Variants in CCDC172 observed in about 807,000 individuals in gnomAD.
The protein encoded by CCDC172 is coiled-coil domain containing 172, also known as coiled-coil domain-containing protein 172.
In CCDC172, 30 loss-of-function variants were observed where a neutral mutation model predicts 38.0. The observed-to-expected ratio is 0.79, with a 90% CI of 0.59 to 1.07. The LOEUF is 1.07. Ranked by LOEUF, CCDC172 falls within the 50% of genes least tolerant of loss-of-function variation. The probability of loss-of-function intolerance (pLI) is 0.00; values close to 1 mark genes in which losing one functional copy is unlikely to be tolerated. For missense variants in CCDC172, 297 were observed against 290.1 expected, an observed-to-expected ratio of 1.02 and a Z score of -0.17; for synonymous variants, 78 against 88.3, an observed-to-expected ratio of 0.88 and a Z score of 0.66.
intron 7 of CCDC172, among the ~76,000 whole-genome samples, chr10:116,360,710 C>T (rs879728475): frequency 2.0e-5 from 3 of 152,096 alleles, no homozygotes; most frequent in Non-Finnish European, 4.4e-5. Context: ...TTCCCTGTCT[C>T]TTTGGAACAT....
chr10:116,340,596 T>G (rs989687022), intron 3 of CCDC172, 138 bp from the exon 4 acceptor site: 7 of 546,866 alleles, frequency 1.3e-5, no homozygotes, highest in Non-Finnish European at 2.3e-5. Flanking sequence ...AATAAGATGT[T>G]TGATGCTAAT....
intron 7 of CCDC172, among the ~76,000 whole-genome samples, chr10:116,358,444 A>G (rs1845027187): frequency 6.6e-6 from 1 of 152,158 alleles, no homozygotes; most frequent in Non-Finnish European, 1.5e-5. Flanking sequence ...ATAGTCATAA[A>G]CACAAGGAGT....
intron 5 of CCDC172, among the ~76,000 whole-genome samples, chr10:116,356,129 G>A (rs189209354): frequency 2.6e-5 from 4 of 152,072 alleles, no homozygotes; most frequent in Admixed American, 2.0e-4. Flanking sequence ...TCAGGAGTTC[G>A]AGACCAGCCT....
intron 3 of CCDC172, among the ~76,000 whole-genome samples, chr10:116,329,583 G>C (rs1844632447): frequency 6.6e-6 from 1 of 152,130 alleles, no homozygotes; most frequent in Non-Finnish European, 1.5e-5. Flanking sequence ...TATTCTTAAA[G>C]TGTGATCTCT....
chr10:116,347,719 T>C (rs754109787), intron 5 of CCDC172, among the ~76,000 whole-genome samples: 17 of 152,066 alleles, frequency 1.1e-4, no homozygotes, highest in Non-Finnish European at 2.4e-4. Context: ...GTTCTAAAAG[T>C]ATCAGCCAGT....
chr10:116,358,034 A>G, intron 7 of CCDC172, 96 bp downstream of exon 7: 1 of 672,076 alleles, frequency 1.5e-6, no homozygotes, highest in South Asian at 1.7e-5. Context: ...ATTAATTTGA[A>G]GTTCCAGATG....
At chr10:116,345,314 C>T (rs973407691) in intron 5 of CCDC172, among the ~76,000 whole-genome samples, 3 of 152,122 alleles carry the variant, frequency 2.0e-5, no homozygotes, top group Non-Finnish European at 4.4e-5. Flanking sequence ...TGATCCTTAA[C>T]TCTTCACACC....
chr10:116,326,139 G>A (rs1226957311), intron 3 of CCDC172, among the ~76,000 whole-genome samples: 1 of 152,158 alleles, frequency 6.6e-6, no homozygotes, highest in Non-Finnish European at 1.5e-5. Context: ...TAGTATGGTG[G>A]CACATGCTTG....
chr10:116,376,692 C>T (rs550567919), intron 7 of CCDC172, among the ~76,000 whole-genome samples: 8 of 152,162 alleles, frequency 5.3e-5, no homozygotes, highest in East Asian at 3.9e-4. Flanking sequence ...GCCTATCTGA[C>T]CTTGCTTTAA....
intron 3 of CCDC172, among the ~76,000 whole-genome samples, chr10:116,335,682 A>G (rs1354930570): frequency 1.3e-5 from 2 of 152,046 alleles, no homozygotes; most frequent in Non-Finnish European, 2.9e-5. Context: ...TTTTTCATAC[A>G]GGTCTCAGAT....
At chr10:116,329,928 A>G (rs992711083) in intron 3 of CCDC172, among the ~76,000 whole-genome samples, 7 of 152,238 alleles carry the variant, frequency 4.6e-5, no homozygotes, top group African/African-American at 1.7e-4. Flanking sequence ...AATATTGTGT[A>G]CGATCACATG....
intron 5 of CCDC172, among the ~76,000 whole-genome samples, chr10:116,345,768 C>T (rs1316862652): frequency 1.3e-5 from 2 of 152,138 alleles, no homozygotes; most frequent in Non-Finnish European, 2.9e-5. Context: ...TGTATATCCA[C>T]TTAATTAAAG....
At chr10:116,364,730 C>A (rs2134960423) in intron 7 of CCDC172, among the ~76,000 whole-genome samples, 1 of 152,158 alleles carries the variant, frequency 6.6e-6, no homozygotes, top group East Asian at 1.9e-4. Flanking sequence ...ATTGTATAAT[C>A]ACTTATATGA....
chr10:116,342,426 A>G (rs1844807309), intron 5 of CCDC172: 1 of 385,300 alleles, frequency 2.6e-6, no homozygotes, highest in East Asian at 5.9e-5. Context: ...TAATAAATAA[A>G]TATCTGTTAT....
intron 3 of CCDC172, among the ~76,000 whole-genome samples, chr10:116,339,058 A>G (rs1844763551): frequency 1.3e-5 from 2 of 152,014 alleles, no homozygotes; most frequent in African/African-American, 2.4e-5. Context: ...ATATACTGCA[A>G]ACACCCTTCT....
At chr10:116,372,943 A>G (rs1383780663) in intron 7 of CCDC172, among the ~76,000 whole-genome samples, 2 of 152,226 alleles carry the variant, frequency 1.3e-5, no homozygotes, top group Non-Finnish European at 2.9e-5. Context: ...CCTTTCACAA[A>G]TGGAGGCAAA....
At chr10:116,333,113 T>G (rs1844686516) in intron 3 of CCDC172, among the ~76,000 whole-genome samples, 1 of 152,156 alleles carries the variant, frequency 6.6e-6, no homozygotes, top group African/African-American at 2.4e-5. Context: ...AGTAATTGAT[T>G]ACAATTTTTT....
At chr10:116,378,542 C>A in intron 8 of CCDC172, 32 bp downstream of exon 8, 1 of 1,554,842 alleles carries the variant, frequency 6.4e-7, no homozygotes, top group Non-Finnish European at 8.8e-7. Flanking sequence ...AACTTTTGTT[C>A]AGCATTATTT....
rs1845013708 is a variant in CCDC172, at chr10:116,357,497, G to A, written c.550+16G>A. Reference sequence around the variant, plus strand: ...AAACTTAAAGGTATTACCTTCATGAGTTAGCTTATTTTGCTGATAAATATA... The same window carrying A: ...AAACTTAAAGGTATTACCTTCATGAATTAGCTTATTTTGCTGATAAATATA... On this transcript the variant is annotated intron_variant, in intron 6 of 8. Coordinates refer to ENST00000333254, the MANE Select transcript of CCDC172 (RefSeq NM_198515.3). The A allele has an allele frequency of 6.6e-7, 1 of 1,505,310 alleles. No homozygotes were observed. Among genetic ancestry groups the A allele is most frequent in the Non-Finnish European group, 8.9e-7 (1 of 1,121,584 alleles). 93.2% of individuals were successfully genotyped at this position (1,505,310 alleles called of 1,614,324 possible). A position where few individuals can be genotyped will look rare whatever the true frequency, so the allele number is the denominator to read the frequency against.
Sources: allele counts gnomAD v4.1 joint callset (sites outside exome capture counted in the v4.1 genomes callset), GRCh38; gene constraint gnomAD v4.1.1; transcripts MANE v1.5; gene names NCBI Gene and HGNC (gene_info 2026-07-23, HGNC 2026-07-21).